The following MAN1C1 variants were observed in gnomAD, a reference collection of about 807,000 sequenced individuals.
The protein encoded by MAN1C1 is mannosidase alpha class 1C member 1.
A neutral mutation model predicts 71.5 loss-of-function variants in MAN1C1; 49 were observed. The observed-to-expected ratio is 0.69, with a 90% confidence interval of 0.54 to 0.87. The LOEUF (loss-of-function observed/expected upper bound fraction) is 0.87, where lower values mean the gene tolerates loss of function less well. Ranked by LOEUF, MAN1C1 falls within the 40% of genes least tolerant of loss-of-function variation. MAN1C1 has a pLI of 0.00. For synonymous variants in MAN1C1, 352 were observed against 343.7 expected (o/e 1.02, Z -0.27); for missense variants, 743 against 835.0 (o/e 0.89, Z 1.36).
chr1:25,717,924 A>G (rs1414136892), intron 2 of MAN1C1, among the ~76,000 whole-genome samples: 2 of 152,108 alleles, frequency 1.3e-5, no homozygotes, highest in East Asian at 3.8e-4. Flanking sequence ...CCTCACCAAC[A>G]CTTGGTAAAA....
At chr1:25,709,530 C>T (rs2046574243) in intron 2 of MAN1C1, 1 of 152,244 alleles carries the variant, frequency 6.6e-6, no homozygotes. Flanking sequence ...ACCCAGGGCT[C>T]TGTGAGCCCT....
At chr1:25,767,533 TAC>T (rs1260617795) in intron 7 of MAN1C1, among the ~76,000 whole-genome samples, 4 of 98,938 alleles carry the variant, frequency 4.0e-5, no homozygotes, top group Non-Finnish European at 6.1e-5. Flanking sequence ...CATACACTCC[TAC>T]ACACACTCCC....
chr1:25,725,584 A>G lies in MAN1C1; in HGVS notation c.638-21084A>G, dbSNP rs2046821612. On this transcript the variant is annotated intron_variant, in intron 2 of 11. Coordinates refer to ENST00000374332, the MANE Select transcript of MAN1C1 (RefSeq NM_020379.4). This position sits in a 1 kb window ranked among gnomAD's most constrained non-coding sequence, Gnocchi z 4.8. ...GTACAGGAGTACTTGTTAGGGGTCC[A>G]CTAGAGCAAGCCTGCTGAGGGCTTC... 6.6e-6 allele frequency among the ~76,000 whole-genome samples: 1 copy of G among 152,200 alleles called. No individual in the cohort carries two copies. Among genetic ancestry groups the G allele is most frequent in the African/African-American group, 2.4e-5 (1 of 41,464 alleles).
intron 1 of MAN1C1, among the ~76,000 whole-genome samples, chr1:25,652,713 T>C (rs1218200025): frequency 1.3e-5 from 2 of 152,204 alleles, no homozygotes; most frequent in African/African-American, 4.8e-5. Flanking sequence ...TCTGCCTCAA[T>C]GTCCTTTTCT....
intron 2 of MAN1C1, among the ~76,000 whole-genome samples, chr1:25,705,646 G>A (rs1443153061): frequency 6.6e-6 from 1 of 152,190 alleles, no homozygotes; most frequent in Admixed American, 6.5e-5. Flanking sequence ...CTCTGCTAAG[G>A]GCTTTAAGTA....
chr1:25,636,478 A>C (rs961318104), intron 1 of MAN1C1, among the ~76,000 whole-genome samples: 2 of 152,118 alleles, frequency 1.3e-5, no homozygotes, highest in Admixed American at 6.5e-5. Flanking sequence ...CCCTACTTGC[A>C]CGTCTGTTTA....
intron 1 of MAN1C1, 25 bp from the exon 2 acceptor site, chr1:25,686,415 C>G (rs368684108): frequency 1.1e-5 from 18 of 1,604,864 alleles, no homozygotes; most frequent in Non-Finnish European, 1.5e-5. Flanking sequence ...CACTGAGGTT[C>G]TCTCTATGCT....
Position 25,741,223 on chromosome 1 carries a change from G to A in MAN1C1, c.638-5445G>A, listed in dbSNP as rs181679440. ...TCTCAAACTCCTGACCTCATGATCCGCCTGCCTCAGCCTCCCAGAGTGCTG... is the reference window on the plus strand; with the variant it reads ...TCTCAAACTCCTGACCTCATGATCCACCTGCCTCAGCCTCCCAGAGTGCTG... On this transcript the variant is annotated intron_variant, in intron 2 of 11. Coordinates refer to ENST00000374332, the MANE Select transcript of MAN1C1 (RefSeq NM_020379.4). Among the ~76,000 whole-genome samples the A allele has an allele frequency of 1.6e-4, 24 of 151,786 alleles. No individual in the cohort carries two copies. In the South Asian group the frequency reaches 2.5e-3, roughly 16 times the overall value.
At chr1:25,674,239 T>G (rs1401086695) in intron 1 of MAN1C1, among the ~76,000 whole-genome samples, 3 of 152,236 alleles carry the variant, frequency 2.0e-5, no homozygotes. Flanking sequence ...AAATCCTTGT[T>G]GAGTCAAGGC....
At chr1:25,754,687 C>A (rs937098179) in intron 5 of MAN1C1, among the ~76,000 whole-genome samples, 1 of 152,132 alleles carries the variant, frequency 6.6e-6, no homozygotes, top group African/African-American at 2.4e-5. Flanking sequence ...CCCAGACACA[C>A]ACACACTGTC....
intron 2 of MAN1C1, among the ~76,000 whole-genome samples, chr1:25,712,432 C>T (rs988871498): frequency 6.6e-6 from 1 of 152,182 alleles, no homozygotes; most frequent in Admixed American, 6.5e-5. Flanking sequence ...CCCAGCCTAG[C>T]AGAAGAAGTG....
intron 5 of MAN1C1, 29 bp from the exon 6 acceptor site, chr1:25,758,563 G>C: frequency 6.4e-7 from 1 of 1,550,796 alleles, no homozygotes. Context: ...CCAAAGGGGG[G>C]ATGACGGGGG....
chr1:25,731,798 C>T (rs1022158034), intron 2 of MAN1C1, among the ~76,000 whole-genome samples: 5 of 152,140 alleles, frequency 3.3e-5, no homozygotes, highest in Admixed American at 1.3e-4. Flanking sequence ...CAGATGGATT[C>T]GTCATGGCCT....
At chr1:25,636,670 T>C (rs1450059597) in intron 1 of MAN1C1, among the ~76,000 whole-genome samples, 1 of 152,228 alleles carries the variant, frequency 6.6e-6, no homozygotes, top group African/African-American at 2.4e-5. Flanking sequence ...GTTAAGACAA[T>C]TATCACAGTG....
At chr1:25,625,728 G>C (rs1226526760) in intron 1 of MAN1C1, among the ~76,000 whole-genome samples, 3 of 152,142 alleles carry the variant, frequency 2.0e-5, no homozygotes, top group Non-Finnish European at 2.9e-5. Flanking sequence ...GGCTGAGGTG[G>C]GTGGATTCAT....
At chr1:25,748,093 G>A (rs2047162139) in intron 3 of MAN1C1, among the ~76,000 whole-genome samples, 2 of 152,170 alleles carry the variant, frequency 1.3e-5, no homozygotes, top group Admixed American at 1.3e-4. Context: ...CGTTCCCTGT[G>A]TAGACAGTGG....
chr1:25,754,558 C>T (rs758301641), intron 5 of MAN1C1, among the ~76,000 whole-genome samples: 6 of 151,978 alleles, frequency 3.9e-5, no homozygotes, highest in Non-Finnish European at 7.4e-5. Flanking sequence ...TCTCGGGGGC[C>T]GGAGAAATCC....
chr1:25,670,943 C>G (rs2124131577), intron 1 of MAN1C1, among the ~76,000 whole-genome samples: 1 of 152,314 alleles, frequency 6.6e-6, no homozygotes, highest in South Asian at 2.1e-4. Context: ...GTGGCGTGAT[C>G]TTGGCTCGCT....
At position 25,723,795 on chromosome 1, in the gene MAN1C1, A is replaced by T. The variant is rs2124282657; in HGVS notation, c.638-22873A>T. Among the ~76,000 whole-genome samples the T allele has an allele frequency of 1.3e-5, 2 of 152,324 alleles. 1 individual carries two copies. Among genetic ancestry groups the T allele is most frequent in the Middle Eastern group, 6.8e-3 (2 of 294 alleles). ...ATGGGTTTTTGCATAAAGATTTACC[A>T]TTCAAACAGCGGGATGTATGACTGT... On this transcript the variant is annotated intron_variant, in intron 2 of 11. Coordinates refer to ENST00000374332, the MANE Select transcript of MAN1C1 (RefSeq NM_020379.4).
Sources: allele counts gnomAD v4.1 joint callset (sites outside exome capture counted in the v4.1 genomes callset), GRCh38; gene constraint gnomAD v4.1.1; non-coding constraint Gnocchi (gnomAD v3.1); transcripts MANE v1.5; gene names NCBI Gene and HGNC (gene_info 2026-07-23, HGNC 2026-07-21).